The following MYO3A variants were observed in gnomAD, a reference collection of about 807,000 sequenced individuals.
MYO3A encodes the protein myosin-IIIa.
Under a neutral mutation model 192.7 loss-of-function variants are expected in MYO3A, and 180 were observed. The observed-to-expected ratio is 0.93, with a 90% confidence interval of 0.83 to 1.06. The LOEUF (loss-of-function observed/expected upper bound fraction) is 1.06, where lower values mean the gene tolerates loss of function less well. MYO3A is among the 50% of genes least tolerant of loss of function. The pLI, the probability that MYO3A is intolerant of heterozygous loss-of-function variation, is 0.00. For missense variants in MYO3A, 1,896 were observed against 1,905.0 expected, an observed-to-expected ratio of 1.00 and a Z score of 0.09; for synonymous variants, 628 against 645.3, an observed-to-expected ratio of 0.97 and a Z score of 0.41.
chr10:26,007,118 C>T (rs1163753672), intron 6 of MYO3A, among the ~76,000 whole-genome samples: 1 of 148,272 alleles, frequency 6.7e-6, no homozygotes, highest in Non-Finnish European at 1.5e-5. Flanking sequence ...TCAACAGAAC[C>T]GAAGACAAAA....
chr10:26,026,322 T>C, intron 9 of MYO3A, 55 bp from the exon 10 acceptor site: 5 of 1,589,818 alleles, frequency 3.1e-6, no homozygotes, highest in Non-Finnish European at 4.3e-6. Context: ...ATATGAATAA[T>C]AGTTTCAAAA....
chr10:26,159,698 G>T (rs1280347549), intron 26 of MYO3A, among the ~76,000 whole-genome samples: 1 of 152,160 alleles, frequency 6.6e-6, no homozygotes, highest in Non-Finnish European at 1.5e-5. Flanking sequence ...TTTCTTTAGA[G>T]ACCTGGGATT....
intron 31 of MYO3A, among the ~76,000 whole-genome samples, chr10:26,186,069 T>C (rs1842851816): frequency 1.3e-5 from 2 of 152,218 alleles, no homozygotes; most frequent in African/African-American, 2.4e-5. Context: ...AATGTTGCAG[T>C]AAATATCATT....
At chr10:26,061,359 T>A (rs1834468551) in intron 10 of MYO3A, among the ~76,000 whole-genome samples, 1 of 152,204 alleles carries the variant, frequency 6.6e-6, no homozygotes, top group Non-Finnish European at 1.5e-5. Context: ...TGAGAACTTC[T>A]CCACTAGTGG....
chr10:26,175,204 G>A (rs28555574), intron 30 of MYO3A, among the ~76,000 whole-genome samples: 1 of 152,184 alleles, frequency 6.6e-6, no homozygotes, highest in African/African-American at 2.4e-5. Flanking sequence ...CATGCAATTT[G>A]TCTCTGATAC....
chr10:26,116,322 A>G (rs1838502764), intron 17 of MYO3A, among the ~76,000 whole-genome samples: 3 of 152,164 alleles, frequency 2.0e-5, no homozygotes, highest in Admixed American at 2.0e-4. Context: ...CGGCAGGTCC[A>G]TCACCCCATC....
chr10:26,189,175 T>TA (rs1843003362), intron 31 of MYO3A, among the ~76,000 whole-genome samples: 1 of 152,164 alleles, frequency 6.6e-6, no homozygotes, highest in East Asian at 1.9e-4. Flanking sequence ...CTGCCCAAGG[T>TA]AATTTATGGA....
At chr10:26,111,034 T>G (rs1479097893) in intron 17 of MYO3A, among the ~76,000 whole-genome samples, 1 of 151,910 alleles carries the variant, frequency 6.6e-6, no homozygotes, top group African/African-American at 2.4e-5. Context: ...CCAGCTAACT[T>G]TTTAAAACAT....
chr10:26,059,697 A>T (rs1414858746), intron 10 of MYO3A, among the ~76,000 whole-genome samples: 1 of 152,188 alleles, frequency 6.6e-6, no homozygotes, highest in African/African-American at 2.4e-5. Flanking sequence ...TGTGTTTTTT[A>T]AAAATATTTG....
intron 22 of MYO3A, 134 bp from the exon 23 acceptor site, chr10:26,147,296 T>A: frequency 1.1e-6 from 1 of 888,836 alleles, no homozygotes; most frequent in Non-Finnish European, 1.8e-6. Flanking sequence ...GCTACCTTAG[T>A]AAATGCTTGT....
chr10:26,170,289 T>A, intron 28 of MYO3A, 127 bp from the exon 29 acceptor site: 1 of 1,024,706 alleles, frequency 9.8e-7, no homozygotes, highest in Admixed American at 2.3e-5. Context: ...GTGAACCTGT[T>A]CTATTTGGCA....
At chr10:25,942,112 C>T (rs1277287073) in intron 2 of MYO3A, among the ~76,000 whole-genome samples, 1 of 151,596 alleles carries the variant, frequency 6.6e-6, no homozygotes. Flanking sequence ...AGTGATGCCT[C>T]TGCCTCAGCC....
At chr10:26,032,611 A>G (rs1842851938) in intron 10 of MYO3A, among the ~76,000 whole-genome samples, 2 of 151,842 alleles carry the variant, frequency 1.3e-5, no homozygotes, top group Admixed American at 6.6e-5. Flanking sequence ...GTGAGACTCC[A>G]TCTCAAAAAA....
rs961107248 is a variant in MYO3A at position 25,964,047 on chromosome 10, G to A, written c.303+9039G>A. Among the ~76,000 whole-genome samples, 22 of 152,030 alleles carry A rather than the reference G, an allele frequency of 1.4e-4. 2 individuals are homozygous for A. The South Asian group carries it at 4.6e-3, about 32-fold the overall frequency. On this transcript the variant is annotated intron_variant, in intron 4 of 34. Coordinates refer to ENST00000642920, the MANE Select transcript of MYO3A (RefSeq NM_017433.5). Reference sequence around the variant, plus strand: ...TGTACACATTAAAATATTTCTTCTGGTAAGTTATTTTCTCTGTTATCATAG... The same window carrying A: ...TGTACACATTAAAATATTTCTTCTGATAAGTTATTTTCTCTGTTATCATAG...
rs3817417 is a variant in MYO3A, at chr10:26,069,181, A to G, written c.1170+297A>G. Reference sequence around the variant, plus strand: ...GATGCCTTTAAAAGCATATACTTAAATCTGCTTAAAAAGGTATGTACTTAA... The same window carrying G: ...GATGCCTTTAAAAGCATATACTTAAGTCTGCTTAAAAAGGTATGTACTTAA... On this transcript the variant is annotated intron_variant, in intron 12 of 34. Coordinates refer to ENST00000642920, the MANE Select transcript of MYO3A (RefSeq NM_017433.5). 0.47 allele frequency among the ~76,000 whole-genome samples: 72,016 copies of G among 151,700 alleles called. 17,881 individuals are homozygous for G. Among genetic ancestry groups the G allele is most frequent in the Middle Eastern group, 0.59 (173 of 294 alleles).
rs187300230 is a variant in MYO3A at position 26,143,101 on chromosome 10, C to T, written c.2263-347C>T. Among the ~76,000 whole-genome samples the T allele has an allele frequency of 6.0e-3, 906 of 152,204 alleles. 6 individuals are homozygous for T. The highest frequency in any genetic ancestry group is 0.01 in the Non-Finnish European group (701 of 68,002). The stretch of plus-strand genomic sequence containing the variant: ...ATCCCAGCACTTTGGGAGGTTGAGG[C>T]GGGAGGATCACTTGAGGTCAGGAGT... On this transcript the variant is annotated intron_variant, in intron 20 of 34. Transcript: ENST00000642920.
intron 17 of MYO3A, among the ~76,000 whole-genome samples, chr10:26,103,645 T>A (rs1268098687): frequency 2.6e-5 from 4 of 152,268 alleles, no homozygotes; most frequent in Non-Finnish European, 5.9e-5. Context: ...ATAATGCTGC[T>A]ATGAACATTC....
At chr10:25,942,518 C>T (rs114561500) in intron 2 of MYO3A, among the ~76,000 whole-genome samples, 9,665 of 152,248 alleles carry the variant, frequency 0.063, 403 homozygotes, top group Non-Finnish European at 0.094. Flanking sequence ...AACTGCTGTA[C>T]TATTTTCCTC....
At chr10:26,073,237 G>T (rs1430590226) in intron 14 of MYO3A, among the ~76,000 whole-genome samples, 4 of 151,752 alleles carry the variant, frequency 2.6e-5, no homozygotes, top group African/African-American at 4.8e-5. Flanking sequence ...AAAGGAAAAA[G>T]AACAAACACT....
Sources: gnomAD v4.1 joint callset for allele counts (sites outside exome capture counted in the v4.1 genomes callset) on GRCh38, gnomAD v4.1.1 for gene constraint, MANE v1.5 for transcripts, NCBI Gene and HGNC (gene_info 2026-07-23, HGNC 2026-07-21) for gene names.